Variants in AHI1 observed in about 807,000 individuals in gnomAD.
AHI1 encodes the protein Abelson helper integration site 1, also known as jouberin.
AHI1 carries 123 observed loss-of-function variants against 149.3 expected under a neutral mutation model. The ratio of observed to expected loss-of-function variants is 0.82; its 90% CI spans 0.71 to 0.96. The LOEUF (loss-of-function observed/expected upper bound fraction) is 0.96. Among genes scored for constraint, AHI1 ranks in the 40% least tolerant of loss-of-function variants. AHI1 has a pLI of 0.00. For synonymous variants in AHI1, 475 were observed against 459.8 expected, an observed-to-expected ratio of 1.03 and a Z score of -0.42; for missense variants, 1,439 against 1,422.7, an observed-to-expected ratio of 1.01 and a Z score of -0.18.
At position 135,492,868 on chromosome 6, in the gene AHI1, T is replaced by C. The variant is rs536872321; in HGVS notation, c.-54-577A>G. The C allele has an allele frequency of 6.9e-5, 68 of 985,284 alleles. No homozygotes were observed. In the South Asian group the frequency reaches 2.7e-3, roughly 39 times the overall value. The allele number at this position is 985,284 out of a possible 1,614,324, so 61.0% of individuals were successfully genotyped here. A position where few individuals can be genotyped will look rare whatever the true frequency, so the allele number is the denominator to read the frequency against. ...ACCATGGTTCAACTCAGTATGTATA[T>C]TACTAAATTGCCCATTTTATTAAAA... On this transcript the variant is annotated intron_variant, in intron 3 of 28. Transcript: ENST00000265602.
Position 135,427,335 on chromosome 6 carries a change from T to TACAG in AHI1, c.2624-29_2624-28insCTGT. 1.9e-6 allele frequency: 3 copies of TACAG among 1,588,846 alleles called. No individual in the cohort carries two copies. In the South Asian group the frequency reaches 3.4e-5, roughly 18 times the overall value. ...AAATAAAAAGAGAGATTCAAAAATG[T>TACAG]ATATCAGAGCATATCTGTATCGATA... is the stretch of plus-strand genomic sequence containing the variant. On this transcript the variant is annotated intron_variant, in intron 19 of 28. Transcript: ENST00000265602.
At chr6:135,327,306 C>T (rs896476293) in intron 24 of AHI1, among the ~76,000 whole-genome samples, 45 of 152,132 alleles carry the variant, frequency 3.0e-4, no homozygotes, top group Admixed American at 3.9e-4. Context: ...ACTTACAGAA[C>T]CGTTTTCCAC....
In AHI1 at chr6:135,293,406, G is replaced by GAAAAAAAAAAAAAAA. The variant is rs71547029; in HGVS notation, c.3486-2896_3486-2882dup. On this transcript the variant is annotated intron_variant, in intron 27 of 28. Coordinates refer to ENST00000265602, the MANE Select transcript of AHI1 (RefSeq NM_001134831.2). ...TGTTAACAGGGCAAAAAAAAAAAAA[G>GAAAAAAAAAAAAAAA]AAAAAAAAAAAAAAAAAAGAAAAAA... Among the ~76,000 whole-genome samples the GAAAAAAAAAAAAAAA allele has an allele frequency of 8.6e-3, 563 of 65,130 alleles. 2 individuals are homozygous for GAAAAAAAAAAAAAAA. The highest frequency in any genetic ancestry group is 9.5e-3 in the Non-Finnish European group (351 of 36,800). The allele number at this position is 65,130 out of a possible 152,430, so 42.7% of individuals were successfully genotyped here. A position where few individuals can be genotyped will look rare whatever the true frequency, so the allele number is the denominator to read the frequency against.
intron 5 of AHI1, among the ~76,000 whole-genome samples, chr6:135,477,976 T>G (rs1341703775): frequency 2.0e-5 from 3 of 151,702 alleles, no homozygotes; most frequent in Admixed American, 6.6e-5. Context: ...TTTTTTTTTA[T>G]TTTTAGTACA....
chr6:135,364,551 T>G (rs1582838025), intron 23 of AHI1, among the ~76,000 whole-genome samples: 1 of 148,012 alleles, frequency 6.8e-6, no homozygotes, highest in Non-Finnish European at 1.5e-5. Context: ...GGCTGGGAGG[T>G]GGAGGTTGTA....
At chr6:135,405,558 G>C (rs893566449) in intron 21 of AHI1, among the ~76,000 whole-genome samples, 2 of 152,038 alleles carry the variant, frequency 1.3e-5, no homozygotes, top group East Asian at 3.9e-4. Context: ...GCTAAGGAGA[G>C]AGTAAAAATA....
At position 135,323,311 on chromosome 6, in the gene AHI1, T is replaced by A. The variant is rs1404709929; in HGVS notation, c.3179A>T (p.Tyr1060Phe). ...ATCTGATCGATTCGCTGTGTAGTCA[T>A]AAAGAGCCACTACCTAAGAGAGAGA... is the stretch of plus-strand genomic sequence containing the variant. ...VDTAPTVVALYDYTANRSDEL... is the reference protein window; with the variant it reads ...VDTAPTVVALFDYTANRSDEL... The change falls in exon 25 of 29, where the codon TAT (tyrosine) becomes TTT (phenylalanine). Residue 1060 changes from tyrosine (Y) to phenylalanine (F), a missense_variant. Physicochemically the swap from Tyr to Phe is conservative, Grantham distance 22 (BLOSUM62 3). Transcript: ENST00000265602. 1 of 1,613,516 alleles carries A rather than the reference T, an allele frequency of 6.2e-7. No individual in the cohort carries two copies. The highest frequency in any genetic ancestry group is 2.2e-5 in the East Asian group (1 of 44,858).
intron 25 of AHI1, among the ~76,000 whole-genome samples, chr6:135,319,141 T>A (rs1786422692): frequency 6.6e-6 from 1 of 152,202 alleles, no homozygotes; most frequent in South Asian, 2.1e-4. Flanking sequence ...GGTAGGTGTA[T>A]CAGACTCTGA....
chr6:135,453,563 AT>A (rs1441023385), intron 10 of AHI1, 127 bp from the exon 11 acceptor site: 2 of 686,932 alleles, frequency 2.9e-6, no homozygotes, highest in Non-Finnish European at 4.8e-6. Flanking sequence ...GAATAAAAAC[AT>A]TTTTATCTCA....
At chr6:135,476,953 T>C (rs1792753007) in intron 5 of AHI1, among the ~76,000 whole-genome samples, 1 of 152,210 alleles carries the variant, frequency 6.6e-6, no homozygotes, top group South Asian at 2.1e-4. Context: ...CACATTTAAA[T>C]TATTCTTGAT....
At chr6:135,363,539 G>C (rs1489516691) in intron 23 of AHI1, among the ~76,000 whole-genome samples, 2 of 152,162 alleles carry the variant, frequency 1.3e-5, no homozygotes, top group African/African-American at 4.8e-5. Flanking sequence ...TTGTCATCAT[G>C]GCCTGTTCTC....
At chr6:135,455,135 G>A (rs1282806364) in intron 10 of AHI1, among the ~76,000 whole-genome samples, 2 of 151,996 alleles carry the variant, frequency 1.3e-5, no homozygotes, top group South Asian at 2.1e-4. Context: ...CTTAAAATTC[G>A]AGTAACTTTG....
chr6:135,337,053 G>A (rs1229749120), intron 24 of AHI1, among the ~76,000 whole-genome samples: 4 of 152,040 alleles, frequency 2.6e-5, no homozygotes, highest in East Asian at 1.9e-4. Context: ...TTTCTCCCAC[G>A]TCTATGCTCT....
chr6:135,322,942 A>C, intron 25 of AHI1, among the ~76,000 whole-genome samples: 1 of 152,178 alleles, frequency 6.6e-6, no homozygotes, highest in East Asian at 1.9e-4. Flanking sequence ...CGAGGATAAG[A>C]AGTCCATGAA....
intron 17 of AHI1, among the ~76,000 whole-genome samples, chr6:135,430,712 A>C (rs975171044): frequency 2.0e-5 from 3 of 151,974 alleles, no homozygotes; most frequent in African/African-American, 7.2e-5. Flanking sequence ...AAATGAAAGA[A>C]CTTATTCATT....
intron 5 of AHI1, among the ~76,000 whole-genome samples, chr6:135,489,047 C>T (rs1255588303): frequency 6.6e-6 from 1 of 152,136 alleles, no homozygotes; most frequent in African/African-American, 2.4e-5. Context: ...AGATAGAAAG[C>T]ATTAAGGCAT....
chr6:135,301,870 A>G (rs1783924668), intron 26 of AHI1: 4 of 985,360 alleles, frequency 4.1e-6, no homozygotes, highest in Non-Finnish European at 4.8e-6. Context: ...CAATAGAACA[A>G]TAAGCAAAGA....
intron 10 of AHI1, 92 bp from the exon 11 acceptor site, chr6:135,453,528 G>T: frequency 1.1e-6 from 1 of 901,234 alleles, no homozygotes; most frequent in Non-Finnish European, 1.7e-6. Flanking sequence ...TTTGTATAGT[G>T]CTTAAAAACA....
rs758715635 is a variant in AHI1 at position 135,358,189 on chromosome 6, T to C, written c.3110-2A>G. On this transcript the variant is annotated splice_acceptor_variant, in intron 23 of 28. Coordinates refer to ENST00000265602, the MANE Select transcript of AHI1 (RefSeq NM_001134831.2). LOFTEE classifies it high-confidence loss of function. ...GCTTTCTTTCTATGCTGATAATCCC[T>C]GTGGAAAGAAAACATTGTGAGTATT... The C allele has an allele frequency of 1.9e-6, 3 of 1,611,390 alleles. No individual in the cohort carries two copies. The highest frequency in any genetic ancestry group is 2.5e-6 in the Non-Finnish European group (3 of 1,178,728).
Sources: allele counts gnomAD v4.1 joint callset (sites outside exome capture counted in the v4.1 genomes callset), GRCh38; gene constraint gnomAD v4.1.1; transcripts MANE v1.5; gene names NCBI Gene and HGNC (gene_info 2026-07-23, HGNC 2026-07-21).